The following TMC7 variants were observed in gnomAD, a reference collection of about 807,000 sequenced individuals.
TMC7 encodes the protein transmembrane channel-like protein 7.
A neutral mutation model predicts 82.9 loss-of-function variants in TMC7; 54 were observed. The observed-to-expected ratio is 0.65, with a 90% CI of 0.52 to 0.82. The LOEUF is 0.82. Ranked by LOEUF, TMC7 falls within the 40% of genes least tolerant of loss-of-function variation. The pLI, the probability that TMC7 is intolerant of heterozygous loss-of-function variation, is 0.00. For missense variants in TMC7, 820 were observed against 901.2 expected (o/e 0.91, Z 1.15); for synonymous variants, 350 against 337.9 (o/e 1.04, Z -0.39).
At chr16:19,017,114 G>A (rs1024959149) in intron 3 of TMC7, among the ~76,000 whole-genome samples, 1 of 152,154 alleles carries the variant, frequency 6.6e-6, no homozygotes, top group African/African-American at 2.4e-5. Flanking sequence ...GAACCTGGGA[G>A]GTGGACGTTG....
intron 1 of TMC7, among the ~76,000 whole-genome samples, chr16:18,994,239 A>C (rs2038999953): frequency 6.6e-6 from 1 of 152,028 alleles, no homozygotes. Context: ...AACTGTAGAG[A>C]GTAAGTGGAG....
At position 19,030,357 on chromosome 16, in the gene TMC7, G is replaced by T; in HGVS notation, c.845G>T (p.Trp282Leu). 1.9e-6 allele frequency: 3 copies of T among 1,610,064 alleles called. No homozygotes were observed. Among genetic ancestry groups the T allele is most frequent in the Non-Finnish European group, 2.5e-6 (3 of 1,178,582 alleles). ...TIASLALSLLWIVKRSVEGFK... is the reference protein window; with the variant it reads ...TIASLALSLLLIVKRSVEGFK... ...GCCTCCCTGGCCCTGAGCCTTCTTT[G>T]GATAGTGAAAAGGTAAAGTCTGCCT... is the stretch of plus-strand genomic sequence containing the variant. Residue 282 changes from tryptophan (W) to leucine (L), a missense_variant, in exon 6 of 16, where the codon TGG becomes TTG. Around this residue, in one of 2 missense-constraint regions of TMC7, gnomAD observed 650 missense variants for 669.9 expected, o/e 0.97. Coordinates refer to ENST00000304381, the MANE Select transcript of TMC7 (RefSeq NM_024847.4).
At chr16:19,055,119 T>TG (rs570151429) in intron 13 of TMC7, among the ~76,000 whole-genome samples, 5 of 152,158 alleles carry the variant, frequency 3.3e-5, no homozygotes, top group Non-Finnish European at 5.9e-5. Context: ...CCTTTGGATA[T>TG]GGGGGGCCAA....
At chr16:18,998,431 A>G (rs767161095) in intron 1 of TMC7, among the ~76,000 whole-genome samples, 1 of 151,956 alleles carries the variant, frequency 6.6e-6, no homozygotes, top group Non-Finnish European at 1.5e-5. Flanking sequence ...TGCCCCACAG[A>G]CCCCTGACCA....
Position 19,040,446 on chromosome 16 carries a change from G to C in TMC7, c.1337G>C (p.Arg446Thr). The change falls in exon 9 of 16, where the codon AGG (arginine) becomes ACG (threonine). Residue 446 changes from arginine to threonine, a missense_variant and splice_region_variant. Physicochemically the swap from Arg to Thr is moderately conservative, Grantham distance 71 (BLOSUM62 -1). Coordinates refer to ENST00000304381, the MANE Select transcript of TMC7 (RefSeq NM_024847.4). ...PGFEIRLTIL[R>T]CVFMRLATIC... Reference sequence around the variant, plus strand: ...TTTGAGATCCGTCTGACAATCCTTAGGTAATGCCTAACATGAAGATGGCAG... The same window carrying C: ...TTTGAGATCCGTCTGACAATCCTTACGTAATGCCTAACATGAAGATGGCAG... 1 of 1,609,378 alleles carries C rather than the reference G, an allele frequency of 6.2e-7. No homozygotes were observed. Among genetic ancestry groups the C allele is most frequent in the Non-Finnish European group, 8.5e-7 (1 of 1,179,390 alleles).
intron 1 of TMC7, among the ~76,000 whole-genome samples, chr16:19,000,505 A>G (rs2039123960): frequency 6.6e-6 from 1 of 152,100 alleles, no homozygotes; most frequent in African/African-American, 2.4e-5. Flanking sequence ...AAAACAATTC[A>G]AGTGAAAAGA....
intron 2 of TMC7, among the ~76,000 whole-genome samples, chr16:19,011,869 C>T (rs1284212043): frequency 6.6e-6 from 1 of 152,116 alleles, no homozygotes; most frequent in Admixed American, 6.6e-5. Flanking sequence ...TTAGCTGGCA[C>T]AGTGGCTTAC....
chr16:19,056,342 T>A (rs1184243679), intron 13 of TMC7, among the ~76,000 whole-genome samples, 200 bp from the exon 14 acceptor site: 1 of 152,102 alleles, frequency 6.6e-6, no homozygotes, highest in African/African-American at 2.4e-5. Context: ...CGCCTCGGCC[T>A]CCCAAAGTGC....
intron 13 of TMC7, 21 bp from the exon 14 acceptor site, chr16:19,056,521 C>G (rs762776028): frequency 1.2e-6 from 2 of 1,609,912 alleles, no homozygotes; most frequent in East Asian, 2.2e-5. Context: ...CTTCTGAGCC[C>G]GTTGGTCTGT....
rs1270695591 is a variant in TMC7 at position 19,051,662 on chromosome 16, TTTTC to T, written c.1741-16_1741-13del. The T allele has an allele frequency of 6.2e-7, 1 of 1,611,230 alleles. No individual in the cohort carries two copies. The highest frequency in any genetic ancestry group is 1.7e-5 in the Admixed American group (1 of 59,688). Reference sequence around the variant, plus strand: ...AGAAGCTGTACTTATTGATCTTAATTTTTCTTTCTTTTTCTCCTTGTAGTGGAGT... The same window carrying T: ...AGAAGCTGTACTTATTGATCTTAATTTTTCTTTTTCTCCTTGTAGTGGAGT... On this transcript the variant is annotated intron_variant, in intron 12 of 15. Transcript: ENST00000304381.
At chr16:19,022,250 G>C (rs1163258716) in intron 4 of TMC7, among the ~76,000 whole-genome samples, 1 of 152,206 alleles carries the variant, frequency 6.6e-6, no homozygotes, top group Non-Finnish European at 1.5e-5. Flanking sequence ...AGATGTTACT[G>C]TATTGGACAC....
At chr16:18,991,101 G>A (rs1377375109) in intron 1 of TMC7, among the ~76,000 whole-genome samples, 2 of 152,256 alleles carry the variant, frequency 1.3e-5, no homozygotes, top group South Asian at 2.1e-4. Context: ...GGGCTGCTTC[G>A]AGCGGGACTA....
intron 1 of TMC7, among the ~76,000 whole-genome samples, chr16:19,005,246 T>C (rs958455739): frequency 2.6e-5 from 4 of 152,034 alleles, no homozygotes; most frequent in East Asian, 3.9e-4. Context: ...CCCGCCACCA[T>C]GCCCGGCTAT....
At chr16:19,050,228 G>A (rs865986974) in intron 12 of TMC7, among the ~76,000 whole-genome samples, 11 of 151,748 alleles carry the variant, frequency 7.2e-5, no homozygotes, top group African/African-American at 1.9e-4. Context: ...AAAATTAGCC[G>A]GGCTTGGTGG....
At chr16:18,997,779 G>A (rs375738208) in intron 1 of TMC7, among the ~76,000 whole-genome samples, 1 of 149,168 alleles carries the variant, frequency 6.7e-6, no homozygotes, top group East Asian at 2.0e-4. Context: ...GCCCAGGCTG[G>A]AGTGCAGTGG....
At chr16:19,056,337 C>T (rs1428370335) in intron 13 of TMC7, among the ~76,000 whole-genome samples, 7 of 152,034 alleles carry the variant, frequency 4.6e-5, no homozygotes, top group Non-Finnish European at 7.4e-5. Context: ...CCACCCGCCT[C>T]GGCCTCCCAA....
At chr16:19,024,186 T>A (rs1370363389) in intron 5 of TMC7, among the ~76,000 whole-genome samples, 1 of 152,132 alleles carries the variant, frequency 6.6e-6, no homozygotes, top group African/African-American at 2.4e-5. Flanking sequence ...ACCCCAACAC[T>A]TTGAGAGGCC....
Position 18,984,014 on chromosome 16 carries a change from G to A in TMC7, c.-50G>A, listed in dbSNP as rs1214796536. ...AGGCCGGGGAGGCGGCGGCGGCGGC[G>A]GCGGCTGGAGAGGGTCCTCGGCAGC... On this transcript the variant is annotated 5_prime_UTR_variant, in exon 1 of 16. Coordinates refer to ENST00000304381, the MANE Select transcript of TMC7 (RefSeq NM_024847.4). 2.2e-6 allele frequency: 3 copies of A among 1,377,142 alleles called. No individual in the cohort carries two copies. Among genetic ancestry groups the A allele is most frequent in the African/African-American group, 1.5e-5 (1 of 65,548 alleles). The allele number at this position is 1,377,142 out of a possible 1,614,324, so 85.3% of individuals were successfully genotyped here.
At position 19,047,077 on chromosome 16, in the gene TMC7, A is replaced by T. The variant is rs1283416067; in HGVS notation, c.1568A>T (p.Tyr523Phe). The change falls in exon 12 of 16, where the codon TAC (tyrosine) becomes TTC (phenylalanine). Residue 523 changes from tyrosine to phenylalanine, a missense_variant. Tyr to Phe is a conservative substitution (Grantham distance 22, BLOSUM62 3). Around this residue, in one of 2 missense-constraint regions of TMC7, gnomAD observed 650 missense variants for 669.9 expected, o/e 0.97. Coordinates refer to ENST00000304381, the MANE Select transcript of TMC7 (RefSeq NM_024847.4). The part of the protein sequence containing the change: ...VDFPRKLLVT[Y>F]CSSCKLIQCW... Reference sequence around the variant, plus strand: ...TCTGTTTCCAGGCTCCTGGTGACCTACTGTTCCTCTTGCAAGCTGATTCAG... The same window carrying T: ...TCTGTTTCCAGGCTCCTGGTGACCTTCTGTTCCTCTTGCAAGCTGATTCAG... The T allele has an allele frequency of 6.2e-7, 1 of 1,610,820 alleles. No individual in the cohort carries two copies. The highest frequency in any genetic ancestry group is 2.2e-5 in the East Asian group (1 of 44,842).
Sources: allele counts gnomAD v4.1 joint callset (sites outside exome capture counted in the v4.1 genomes callset), GRCh38; gene constraint gnomAD v4.1.1; regional missense constraint gnomAD v4.1.1; transcripts MANE v1.5; gene names NCBI Gene and HGNC (gene_info 2026-07-23, HGNC 2026-07-21).